Variants in ST3GAL6 observed in about 807,000 individuals in gnomAD.
ST3GAL6 encodes ST3 beta-galactoside alpha-2,3-sialyltransferase 6, also known as type 2 lactosamine alpha-2,3-sialyltransferase.
ST3GAL6 carries 31 observed loss-of-function variants against 40.5 expected under a neutral mutation model. The ratio of observed to expected loss-of-function variants is 0.77; its 90% CI spans 0.58 to 1.03. The LOEUF (loss-of-function observed/expected upper bound fraction) is 1.03. Among genes scored for constraint, ST3GAL6 ranks in the 50% least tolerant of loss-of-function variants. The probability of loss-of-function intolerance (pLI) is 0.00; values close to 1 mark genes in which losing one functional copy is unlikely to be tolerated. For synonymous variants in ST3GAL6, 129 were observed against 136.9 expected, an observed-to-expected ratio of 0.94 and a Z score of 0.40; for missense variants, 357 against 393.2, an observed-to-expected ratio of 0.91 and a Z score of 0.78.
At chr3:98,787,782 G>A (rs781013265) in intron 6 of ST3GAL6, among the ~76,000 whole-genome samples, 17 of 152,210 alleles carry the variant, frequency 1.1e-4, no homozygotes, top group Admixed American at 1.3e-4. Flanking sequence ...CTGGAGGTAA[G>A]ACTGAATTAT....
intron 1 of ST3GAL6, among the ~76,000 whole-genome samples, chr3:98,767,280 AG>A (rs1232735369): frequency 1.3e-5 from 2 of 152,250 alleles, no homozygotes; most frequent in Non-Finnish European, 2.9e-5. Context: ...ATATTTGTTG[AG>A]CTGACCCCAT....
At chr3:98,788,293 C>T in intron 7 of ST3GAL6, 33 bp from the exon 8 acceptor site, 1 of 1,595,512 alleles carries the variant, frequency 6.3e-7, no homozygotes, top group Non-Finnish European at 8.5e-7. Flanking sequence ...CAGACAGCCA[C>T]ACTGTTCTAT....
upstream of ST3GAL6, among the ~76,000 whole-genome samples, chr3:98,761,327 G>C (rs114847299): frequency 5.8e-3 from 890 of 152,230 alleles, 3 homozygotes; most frequent in African/African-American, 0.02. Flanking sequence ...TTACACACAG[G>C]CTGGGCATGG....
At chr3:98,741,045 G>A (rs1936033815) in intron 1 of ST3GAL6, among the ~76,000 whole-genome samples, 1 of 105,032 alleles carries the variant, frequency 9.5e-6, no homozygotes, top group Non-Finnish European at 1.9e-5. Flanking sequence ...TATAGTAGAG[G>A]GATTCAGTGT....
chr3:98,744,421 C>G (rs2107301379), intron 1 of ST3GAL6, among the ~76,000 whole-genome samples: 1 of 152,262 alleles, frequency 6.6e-6, no homozygotes, highest in East Asian at 1.9e-4. Flanking sequence ...GTGGCTACAC[C>G]CTGTCCAAGC....
intron 5 of ST3GAL6, among the ~76,000 whole-genome samples, chr3:98,776,707 A>G (rs935558672): frequency 6.6e-6 from 1 of 152,160 alleles, no homozygotes; most frequent in Non-Finnish European, 1.5e-5. Flanking sequence ...ACGTAGTTTG[A>G]GTTATAACAG....
In ST3GAL6 at chr3:98,733,068, G is replaced by C. The variant is rs969598093; in HGVS notation, c.-12+536G>C. On this transcript the variant is annotated intron_variant, in intron 1 of 9. Coordinates refer to the ST3GAL6 transcript ENST00000265261. Reference sequence around the variant, plus strand: ...TCTGGGCCGGGGTCCGGGCGGCCTGGGGTCTGTGCTGCCCCGACCCTCCGG... The same window carrying C: ...TCTGGGCCGGGGTCCGGGCGGCCTGCGGTCTGTGCTGCCCCGACCCTCCGG... 7 of 1,407,972 alleles carry C rather than the reference G, an allele frequency of 5.0e-6. No individual in the cohort carries two copies. In the African/African-American group the frequency reaches 1.1e-4, roughly 21 times the overall value. 87.2% of individuals were successfully genotyped at this position (1,407,972 alleles called of 1,614,324 possible). A position where few individuals can be genotyped will look rare whatever the true frequency, so the allele number is the denominator to read the frequency against.
At chr3:98,749,292 T>A (rs2107326739) in intron 1 of ST3GAL6, among the ~76,000 whole-genome samples, 1 of 152,154 alleles carries the variant, frequency 6.6e-6, no homozygotes, top group South Asian at 2.1e-4. Context: ...TTGATTTATT[T>A]GTAATAATAA....
rs376851932 is a variant in ST3GAL6 at position 98,786,081 on chromosome 3, A to G, written c.431+1041A>G. ...AGCAGGTTTAGAGGAAAACCATGAT[A>G]TGAACATGTTAGATTTGAGATGCTT... On this transcript the variant is annotated intron_variant, in intron 6 of 9. Coordinates refer to ENST00000483910, the MANE Select transcript of ST3GAL6 (RefSeq NM_001323368.2). Among the ~76,000 whole-genome samples, 6 of 152,178 alleles carry G rather than the reference A, an allele frequency of 3.9e-5. No homozygotes were observed. In the East Asian group the frequency reaches 5.8e-4, roughly 15 times the overall value.
chr3:98,776,911 T>G (rs985670779), intron 5 of ST3GAL6, among the ~76,000 whole-genome samples: 6 of 152,184 alleles, frequency 3.9e-5, no homozygotes, highest in African/African-American at 1.4e-4. Context: ...CCACTGTGAA[T>G]GGGAAAACTC....
At position 98,793,784 on chromosome 3, in the gene ST3GAL6, G is replaced by C; in HGVS notation, c.*23G>C. On this transcript the variant is annotated 3_prime_UTR_variant, in exon 10 of 10. Transcript: ENST00000483910. ...TGACTCTACAGACTCAGAAGATGAT[G>C]CTAACAGTGTTAGTTTTATTTTTGT... 3 of 1,461,500 alleles carry C rather than the reference G, an allele frequency of 2.1e-6. No homozygotes were observed. The highest frequency in any genetic ancestry group is 2.1e-5 in the Admixed American group (1 of 47,224). 90.5% of individuals were successfully genotyped at this position (1,461,500 alleles called of 1,614,324 possible).
intron 5 of ST3GAL6, 68 bp from the exon 6 acceptor site, chr3:98,784,877 T>G: frequency 1.5e-6 from 2 of 1,294,238 alleles, no homozygotes; most frequent in Non-Finnish European, 2.2e-6. Context: ...TCTGACAGTA[T>G]GCATGGATTC....
At chr3:98,748,504 C>T (rs939145957) in intron 1 of ST3GAL6, among the ~76,000 whole-genome samples, 1 of 152,140 alleles carries the variant, frequency 6.6e-6, no homozygotes, top group East Asian at 1.9e-4. Context: ...CTTGCTCTTT[C>T]TCCCACGCTG....
chr3:98,793,347 T>C (rs1242460248), intron 9 of ST3GAL6, among the ~76,000 whole-genome samples: 1 of 152,228 alleles, frequency 6.6e-6, no homozygotes, highest in African/African-American at 2.4e-5. Flanking sequence ...AACTGATTTC[T>C]AGGGGCTTCT....
chr3:98,771,620 C>A (rs1938998424), intron 3 of ST3GAL6, among the ~76,000 whole-genome samples: 1 of 152,158 alleles, frequency 6.6e-6, no homozygotes, highest in Non-Finnish European at 1.5e-5. Flanking sequence ...ATTAAAAATT[C>A]ATTTTTTTTC....
chr3:98,764,606 G>A (rs899316139), intron 1 of ST3GAL6, among the ~76,000 whole-genome samples: 1 of 152,186 alleles, frequency 6.6e-6, no homozygotes, highest in Non-Finnish European at 1.5e-5. Flanking sequence ...TCACATCTAG[G>A]GGGAGGTAGT....
At chr3:98,788,718 C>T (rs6782630) in intron 8 of ST3GAL6, among the ~76,000 whole-genome samples, 54,153 of 152,016 alleles carry the variant, frequency 0.36, 9,748 homozygotes, top group Non-Finnish European at 0.38. Flanking sequence ...TTGTGCATGC[C>T]GAAACAATTT....
At chr3:98,743,574 A>G (rs1017670723) in intron 1 of ST3GAL6, among the ~76,000 whole-genome samples, 1 of 152,128 alleles carries the variant, frequency 6.6e-6, no homozygotes, top group East Asian at 1.9e-4. Context: ...GAAATATATC[A>G]GACATACAGA....
chr3:98,792,754 T>C (rs924514647), intron 9 of ST3GAL6, among the ~76,000 whole-genome samples: 1 of 151,276 alleles, frequency 6.6e-6, no homozygotes, highest in African/African-American at 2.4e-5. Flanking sequence ...CCTGGCCTCA[T>C]GTGATCTGCC....
Sources: allele counts gnomAD v4.1 joint callset (sites outside exome capture counted in the v4.1 genomes callset), GRCh38; gene constraint gnomAD v4.1.1; transcripts MANE v1.5; gene names NCBI Gene and HGNC (gene_info 2026-07-23, HGNC 2026-07-21).